Variants in EPX observed in about 807,000 individuals in gnomAD.
EPX encodes the protein eosinophil peroxidase.
Under a neutral mutation model 73.0 loss-of-function variants are expected in EPX, and 60 were observed. The ratio of observed to expected loss-of-function variants is 0.82; its 90% CI spans 0.67 to 1.02. The LOEUF is 1.02. EPX is among the 50% of genes least tolerant of loss of function. EPX has a pLI of 0.00. For missense variants in EPX, 950 were observed against 973.9 expected (o/e 0.98, Z 0.33); for synonymous variants, 347 against 389.2 (o/e 0.89, Z 1.28).
In EPX at chr17:58,199,630, T is replaced by C. The variant is rs1302179537; in HGVS notation, c.1373T>C (p.Val458Ala). 2 of 1,614,214 alleles carry C rather than the reference T, an allele frequency of 1.2e-6. No individual in the cohort carries two copies. Among genetic ancestry groups the C allele is most frequent in the Non-Finnish European group, 1.7e-6 (2 of 1,180,038 alleles). The change falls in exon 9 of 13, where the codon GTG becomes GCG. Residue 458 changes from valine (V) to alanine (A), a missense_variant. Transcript: ENST00000225371. ...LGHYRGYCSN[V>A]DPRVANVFTL... is the part of the protein sequence containing the mutation. ...CACTACAGGGGGTACTGCTCCAATGTGGACCCACGGGTGGCCAATGTCTTC... is the reference window on the plus strand; with the variant it reads ...CACTACAGGGGGTACTGCTCCAATGCGGACCCACGGGTGGCCAATGTCTTC...
chr17:58,199,190 C>T lies in EPX; in HGVS notation c.1271C>T (p.Ala424Val). ...AATGAGGCTCGGAAGATCATGGGGGCCATGGTCCAGGTAAGGAGCTCTGCA... is the reference window on the plus strand; with the variant it reads ...AATGAGGCTCGGAAGATCATGGGGGTCATGGTCCAGGTAAGGAGCTCTGCA... The part of the protein sequence containing the change: ...LYNEARKIMG[A>V]MVQIITYRDF... The change falls in exon 8 of 13, where the codon GCC becomes GTC. Residue 424 changes from alanine to valine, a missense_variant. Ala to Val is a moderately conservative substitution (Grantham distance 64). Coordinates refer to ENST00000225371, the MANE Select transcript of EPX (RefSeq NM_000502.6). 1.2e-6 allele frequency: 2 copies of T among 1,613,912 alleles called. No homozygotes were observed. The highest frequency in any genetic ancestry group is 1.7e-6 in the Non-Finnish European group (2 of 1,179,880).
Position 58,197,187 on chromosome 17 carries a change from C to G in EPX, c.1050C>G (p.Pro350=), listed in dbSNP as rs763447281. ...AAGACAACGGCCGGGCCCTGCTGCCCTTCGACAACCTGCACGATGACCCCT... is the reference window on the plus strand; with the variant it reads ...AAGACAACGGCCGGGCCCTGCTGCCGTTCGACAACCTGCACGATGACCCCT... ...RFQDNGRALL[P]FDNLHDDPCL... Residue 350 remains proline (P), a synonymous_variant, in exon 7 of 13, where the codon CCC becomes CCG. Coordinates refer to ENST00000225371, the MANE Select transcript of EPX (RefSeq NM_000502.6). 6 of 1,613,922 alleles carry G rather than the reference C, an allele frequency of 3.7e-6. No individual in the cohort carries two copies. Among genetic ancestry groups the G allele is most frequent in the Non-Finnish European group, 5.1e-6 (6 of 1,180,024 alleles).
Position 58,192,884 on chromosome 17 carries a change from C to G in EPX, c.38C>G (p.Thr13Arg). 1.9e-6 allele frequency: 3 copies of G among 1,614,154 alleles called. No homozygotes were observed. The highest frequency in any genetic ancestry group is 2.5e-6 in the Non-Finnish European group (3 of 1,179,986). ...LLPALAGVLA[T>R]LVLAQPCEGT... ...CCAGCCCTGGCAGGGGTCCTGGCCA[C>G]ACTCGTCCTCGCCCAGCCCTGTGAG... Residue 13 changes from threonine to arginine, a missense_variant, in exon 1 of 13, where the codon ACA becomes AGA. Thr to Arg is a moderately conservative substitution (Grantham distance 71). Transcript: ENST00000225371.
chr17:58,198,030 T>G (rs1309458028), intron 7 of EPX, among the ~76,000 whole-genome samples: 1 of 152,042 alleles, frequency 6.6e-6, no homozygotes, highest in East Asian at 1.9e-4. Flanking sequence ...GAGATAGAGT[T>G]TCACCATGTT....
Position 58,193,717 on chromosome 17 carries a change from T to G in EPX, c.350T>G (p.Val117Gly), listed in dbSNP as rs749721478. 10 of 1,610,588 alleles carry G rather than the reference T, an allele frequency of 6.2e-6. No homozygotes were observed. The highest frequency in any genetic ancestry group is 8.5e-6 in the Non-Finnish European group (10 of 1,178,508). ...QRSGPFNVTD[V>G]LTEPQLRLLS... is the part of the protein sequence containing the mutation. ...CTGCCCATTTGCCTTCCCACAGATG[T>G]GCTAACAGAACCACAGCTGCGGCTG... Residue 117 changes from valine (V) to glycine (G), a missense_variant, in exon 4 of 13, where the codon GTG becomes GGG. Transcript: ENST00000225371.
intron 6 of EPX, among the ~76,000 whole-genome samples, chr17:58,195,873 G>A (rs142355458): frequency 6.6e-6 from 1 of 151,988 alleles, no homozygotes; most frequent in Admixed American, 6.6e-5. Context: ...CACCTCCTCT[G>A]GGGAGCCTTC....
Position 58,195,252 on chromosome 17 carries a change from T to A in EPX, c.801+82T>A, listed in dbSNP as rs960199599. 7.3e-6 allele frequency: 8 copies of A among 1,095,174 alleles called. No individual in the cohort carries two copies. The African/African-American group carries it at 1.2e-4, about 17-fold the overall frequency. 67.8% of individuals were successfully genotyped at this position (1,095,174 alleles called of 1,614,324 possible). ...TGCTGGGGGTGGGGATCTGGAAGAC[T>A]GGAGCACCATCCTTAAGGAGCTGCC... On this transcript the variant is annotated intron_variant, in intron 6 of 12. Coordinates refer to ENST00000225371, the MANE Select transcript of EPX (RefSeq NM_000502.6).
Position 58,192,774 on chromosome 17 carries a change from G to A in EPX, c.-73G>A. 7.6e-7 allele frequency: 1 copy of A among 1,308,414 alleles called. No homozygotes were observed. The highest frequency in any genetic ancestry group is 1.1e-6 in the Non-Finnish European group (1 of 920,420). 81.1% of individuals were successfully genotyped at this position (1,308,414 alleles called of 1,614,324 possible). ...TCGGCTGGGGGTCCTCAAAGTGAGAGGGGAGCAGAGGATCCTCCCGTGCAG... is the reference window on the plus strand; with the variant it reads ...TCGGCTGGGGGTCCTCAAAGTGAGAAGGGAGCAGAGGATCCTCCCGTGCAG... On this transcript the variant is annotated 5_prime_UTR_variant, in exon 1 of 13. Coordinates refer to ENST00000225371, the MANE Select transcript of EPX (RefSeq NM_000502.6).
At chr17:58,193,183 T>G in intron 2 of EPX, 52 bp downstream of exon 2, 1 of 1,381,646 alleles carries the variant, frequency 7.2e-7, no homozygotes, top group Non-Finnish European at 1.0e-6. Context: ...GTGAGGGGCA[T>G]GGGCCCCAGC....
chr17:58,196,287 T>C (rs34441210), intron 6 of EPX, among the ~76,000 whole-genome samples: 1 of 152,258 alleles, frequency 6.6e-6, no homozygotes, highest in African/African-American at 2.4e-5. Context: ...TTTGTATTTT[T>C]AGTAGAGATT....
rs368174191 is a variant in EPX, at chr17:58,196,956, C to T, written c.819C>T (p.Pro273=). The T allele has an allele frequency of 6.2e-6, 10 of 1,613,846 alleles. No homozygotes were observed. The highest frequency in any genetic ancestry group is 8.5e-6 in the Non-Finnish European group (10 of 1,180,010). The change falls in exon 7 of 13, where the codon CCC becomes CCT. Residue 273 remains proline (P), a synonymous_variant. Transcript: ENST00000225371. ...CATCTCAGATCCCACCCAATGACCC[C>T]CGCATCAAGAACCAGCGTGACTGCA... is the stretch of plus-strand genomic sequence containing the variant. ...CFPIKIPPND[P]RIKNQRDCIP...
chr17:58,204,168 A>G, intron 11 of EPX, 54 bp from the exon 12 acceptor site: 2 of 1,226,060 alleles, frequency 1.6e-6, no homozygotes, highest in African/African-American at 1.5e-5. Context: ...ACAGGTGCTC[A>G]TTATAAGGTA....
chr17:58,199,511 G>A (rs200120546), intron 8 of EPX, 28 bp from the exon 9 acceptor site: 80 of 1,613,658 alleles, frequency 5.0e-5, no homozygotes, highest in Non-Finnish European at 6.7e-5. Flanking sequence ...TAGCCTCTGG[G>A]GAATGTTCCT....
chr17:58,202,183 T>G (rs757191037), intron 10 of EPX, among the ~76,000 whole-genome samples: 18 of 152,148 alleles, frequency 1.2e-4, no homozygotes, highest in Admixed American at 5.9e-4. Flanking sequence ...TACTGTGTGG[T>G]TTTCATGGGT....
chr17:58,193,554 GA>G lies in EPX; in HGVS notation c.346+9del, dbSNP rs1215131513. The G allele has an allele frequency of 6.2e-7, 1 of 1,613,762 alleles. No homozygotes were observed. The highest frequency in any genetic ancestry group is 8.5e-7 in the Non-Finnish European group (1 of 1,179,846). ...GACCCTTCAATGTCACTGGTACTCT[GA>G]TCCCCACTGAGCCCGCTGGGCCTAC... On this transcript the variant is annotated intron_variant, in intron 3 of 12. Transcript: ENST00000225371.
intron 6 of EPX, among the ~76,000 whole-genome samples, chr17:58,196,190 C>T (rs756224945): frequency 6.6e-5 from 10 of 152,038 alleles, no homozygotes; most frequent in African/African-American, 1.2e-4. Flanking sequence ...TCACTGCAAC[C>T]TCTGCCTCCT....
chr17:58,203,582 C>A (rs1387764980), intron 11 of EPX, among the ~76,000 whole-genome samples: 2 of 152,056 alleles, frequency 1.3e-5, no homozygotes, highest in Non-Finnish European at 2.9e-5. Context: ...GTTGGTGGAT[C>A]CCAGAAAACA....
At chr17:58,203,401 C>G in intron 11 of EPX, 83 bp downstream of exon 11, 2 of 927,610 alleles carry the variant, frequency 2.2e-6, no homozygotes, top group Non-Finnish European at 3.6e-6. Flanking sequence ...CATTGAAGAA[C>G]ACTGCTCTTT....
At position 58,199,943 on chromosome 17, in the gene EPX, C is replaced by T; in HGVS notation, c.1537+149C>T. The T allele has an allele frequency of 3.3e-6, 3 of 896,712 alleles. No homozygotes were observed. In the South Asian group the frequency reaches 5.1e-5, roughly 15 times the overall value. 55.5% of individuals were successfully genotyped at this position (896,712 alleles called of 1,614,324 possible). On this transcript the variant is annotated intron_variant, in intron 9 of 12. Transcript: ENST00000225371. ...ACAGTGGAAACAAGGCAGGTGCCAG[C>T]AAGACCCTCAGTCACGGGCCTCCCA... is the stretch of plus-strand genomic sequence containing the variant.
Sources: allele counts gnomAD v4.1 joint callset (sites outside exome capture counted in the v4.1 genomes callset), GRCh38; gene constraint gnomAD v4.1.1; transcripts MANE v1.5; gene names NCBI Gene and HGNC (gene_info 2026-07-23, HGNC 2026-07-21).